The following LRP2 variants were observed in gnomAD, a reference collection of about 807,000 sequenced individuals.
LRP2 encodes the protein low-density lipoprotein receptor-related protein 2.
A neutral mutation model predicts 531.0 loss-of-function variants in LRP2; 172 were observed. The observed-to-expected ratio is 0.32, with a 90% CI of 0.29 to 0.37. The LOEUF (loss-of-function observed/expected upper bound fraction) is 0.37, where lower values mean the gene tolerates loss of function less well. Ranked by LOEUF, LRP2 falls within the 10% of genes least tolerant of loss-of-function variation. The pLI is 1.00. For missense variants in LRP2, 5,167 were observed against 5,868.3 expected, an observed-to-expected ratio of 0.88 and a Z score of 3.90; for synonymous variants, 1,992 against 2,027.6, an observed-to-expected ratio of 0.98 and a Z score of 0.47.
intron 49 of LRP2, among the ~76,000 whole-genome samples, chr2:169,187,464 A>T (rs999650996): frequency 1.3e-5 from 2 of 152,234 alleles, no homozygotes; most frequent in African/African-American, 4.8e-5. Context: ...AACAGGACGA[A>T]CTGCCAATAT....
intron 3 of LRP2, among the ~76,000 whole-genome samples, chr2:169,311,981 T>C (rs1174665243): frequency 6.6e-6 from 1 of 152,216 alleles, no homozygotes; most frequent in Non-Finnish European, 1.5e-5. Context: ...TTCTGATCTT[T>C]GTTGGTTTAA....
In LRP2 at chr2:169,157,957, T is replaced by TAAATAAAAA. The variant is rs568534822; in HGVS notation, c.11888-456_11888-455insTTTTTATTT. On this transcript the variant is annotated intron_variant, in intron 63 of 78. Coordinates refer to ENST00000649046, the MANE Select transcript of LRP2 (RefSeq NM_004525.3). ...ATAAATAAATAAATAAATAAATAAA[T>TAAATAAAAA]AAAAGACATGGATACAGATAGGTTA... Among the ~76,000 whole-genome samples the TAAATAAAAA allele has an allele frequency of 1.2e-4, 17 of 146,072 alleles. No homozygotes were observed. The East Asian group carries it at 3.6e-3, about 31-fold the overall frequency.
chr2:169,207,145 G>A lies in LRP2; in HGVS notation c.6575C>T (p.Pro2192Leu), dbSNP rs780008529. ...RVLLKVTVDMPRHIVVDPKNR... is the reference protein window; with the variant it reads ...RVLLKVTVDMLRHIVVDPKNR... ...CTTGGGATCTACAACAATATGCCTA[G>A]GCATGTCCACTGTGACTTTAAGAAG... Residue 2192 changes from proline (P) to leucine (L), a missense_variant, in exon 39 of 79, where the codon CCT becomes CTT. Pro to Leu is a moderately conservative substitution (Grantham distance 98, BLOSUM62 -3). Coordinates refer to ENST00000649046, the MANE Select transcript of LRP2 (RefSeq NM_004525.3). The A allele has an allele frequency of 6.2e-7, 1 of 1,613,350 alleles. No homozygotes were observed. The highest frequency in any genetic ancestry group is 1.1e-5 in the South Asian group (1 of 90,904).
At chr2:169,212,281 G>A in intron 36 of LRP2, 74 bp from the exon 37 acceptor site, 1 of 1,580,882 alleles carries the variant, frequency 6.3e-7, no homozygotes, top group Non-Finnish European at 8.7e-7. Flanking sequence ...TTCTTTAATT[G>A]GGTCACCAAA....
chr2:169,329,645 G>A (rs995386716), intron 1 of LRP2, among the ~76,000 whole-genome samples: 1 of 152,210 alleles, frequency 6.6e-6, no homozygotes, highest in Non-Finnish European at 1.5e-5. Flanking sequence ...AGAGCTTGGA[G>A]CTCCACTTCA....
At chr2:169,244,958 A>G (rs774512106) in intron 21 of LRP2, 26 bp from the exon 22 acceptor site, 2 of 1,614,022 alleles carry the variant, frequency 1.2e-6, no homozygotes, top group African/African-American at 1.3e-5. Flanking sequence ...ACTGGTCATG[A>G]AGACATTTGT....
intron 72 of LRP2, among the ~76,000 whole-genome samples, chr2:169,140,057 A>G (rs1215119283): frequency 6.6e-6 from 1 of 152,212 alleles, no homozygotes; most frequent in African/African-American, 2.4e-5. Flanking sequence ...AGTGCCTTGT[A>G]CTAAAGCAGC....
At chr2:169,267,115 C>T (rs1559047893) in intron 16 of LRP2, among the ~76,000 whole-genome samples, 1 of 151,580 alleles carries the variant, frequency 6.6e-6, no homozygotes, top group Non-Finnish European at 1.5e-5. Context: ...GTCTCAAACT[C>T]CCGGCCTCAA....
At chr2:169,169,409 GT>G (rs1334831778) in intron 60 of LRP2, among the ~76,000 whole-genome samples, 3 of 152,160 alleles carry the variant, frequency 2.0e-5, no homozygotes, top group African/African-American at 7.2e-5. Context: ...TACCTGAAAT[GT>G]TTTTTATCTA....
intron 34 of LRP2, among the ~76,000 whole-genome samples, chr2:169,217,263 A>T (rs1234778288): frequency 6.6e-6 from 1 of 152,064 alleles, no homozygotes; most frequent in Non-Finnish European, 1.5e-5. Flanking sequence ...AAACCCCTTC[A>T]TTTAAATAGT....
At chr2:169,360,128 CAAAAA>C (rs67818940) in intron 1 of LRP2, among the ~76,000 whole-genome samples, 9 of 105,026 alleles carry the variant, frequency 8.6e-5, no homozygotes, top group Non-Finnish European at 1.3e-4. Flanking sequence ...CTGTCTCTCT[CAAAAA>C]AAAAAAAAAA....
At position 169,312,260 on chromosome 2, in the gene LRP2, T is replaced by G. The variant is rs537780843; in HGVS notation, c.311-4863A>C. Among the ~76,000 whole-genome samples the G allele has an allele frequency of 3.5e-3, 533 of 152,152 alleles. 2 individuals are homozygous for G. The highest frequency in any genetic ancestry group is 0.012 in the African/African-American group (515 of 41,486). ...TCCTGTCATTATGATGTTAGCTGGT[T>G]ATTTTGCTCGTTAGTTGATGCAGTT... is the stretch of plus-strand genomic sequence containing the variant. On this transcript the variant is annotated intron_variant, in intron 3 of 78. Coordinates refer to ENST00000649046, the MANE Select transcript of LRP2 (RefSeq NM_004525.3).
chr2:169,168,791 T>C, intron 60 of LRP2, 115 bp from the exon 61 acceptor site: 1 of 1,156,332 alleles, frequency 8.6e-7, no homozygotes, highest in South Asian at 1.3e-5. Context: ...TCTTTATTCA[T>C]CAAGATGTAT....
chr2:169,335,996 C>T (rs1466460192), intron 1 of LRP2, among the ~76,000 whole-genome samples: 3 of 144,682 alleles, frequency 2.1e-5, no homozygotes, highest in Non-Finnish European at 4.5e-5. Context: ...GCCTGGGTGA[C>T]TAAGTGAGAC....
intron 4 of LRP2, among the ~76,000 whole-genome samples, chr2:169,296,644 C>T (rs1684141084): frequency 1.3e-5 from 2 of 152,014 alleles, no homozygotes. Context: ...GAAAATTAAT[C>T]TGGGCTTGAA....
intron 47 of LRP2, 38 bp downstream of exon 47, chr2:169,193,723 A>G: frequency 6.2e-7 from 1 of 1,613,844 alleles, no homozygotes; most frequent in Non-Finnish European, 8.5e-7. Context: ...GTTTCCCTGG[A>G]ATGTGACTCT....
chr2:169,294,717 TAAAAAAAAAAAA>T lies in LRP2; in HGVS notation c.428-19_428-8del. ...TGCTCACATGTTGGGTACTCTATTG[TAAAAAAAAAAAA>T]AAAAAAAAAAAGGAAAAGGAAACAG... On this transcript the variant is annotated splice_polypyrimidine_tract_variant and splice_region_variant and intron_variant, in intron 4 of 78. Coordinates refer to ENST00000649046, the MANE Select transcript of LRP2 (RefSeq NM_004525.3). 8.1e-6 allele frequency: 6 copies of T among 742,552 alleles called. No homozygotes were observed. Among genetic ancestry groups the T allele is most frequent in the Admixed American group, 3.0e-5 (1 of 33,648 alleles). 46.0% of individuals were successfully genotyped at this position (742,552 alleles called of 1,614,324 possible). A position where few individuals can be genotyped will look rare whatever the true frequency, so the allele number is the denominator to read the frequency against.
chr2:169,191,217 T>C (rs947001926), intron 48 of LRP2, among the ~76,000 whole-genome samples: 1 of 152,382 alleles, frequency 6.6e-6, no homozygotes, highest in East Asian at 1.9e-4. Context: ...GCATCCTTAG[T>C]TGGAGACATT....
At chr2:169,288,876 T>C (rs546971289) in intron 9 of LRP2, 150 bp downstream of exon 9, 2 of 1,223,868 alleles carry the variant, frequency 1.6e-6, no homozygotes, top group African/African-American at 3.0e-5. Context: ...AATTCCCTAT[T>C]TGCCAGGTTT....
Sources: allele counts gnomAD v4.1 joint callset (sites outside exome capture counted in the v4.1 genomes callset), GRCh38; gene constraint gnomAD v4.1.1; transcripts MANE v1.5; gene names NCBI Gene and HGNC (gene_info 2026-07-23, HGNC 2026-07-21).